Variants in CEP63 observed in about 807,000 individuals in gnomAD.
CEP63 encodes centrosomal protein 63, also known as centrosomal protein of 63 kDa.
Under a neutral mutation model 89.1 loss-of-function variants are expected in CEP63, and 84 were observed. The observed-to-expected ratio is 0.94, with a 90% CI of 0.79 to 1.13. The LOEUF is 1.13. CEP63 is among the 50% of genes most tolerant of loss of function. CEP63 has a pLI of 0.00. For synonymous variants in CEP63, 267 were observed against 272.5 expected (o/e 0.98, Z 0.20); for missense variants, 838 against 813.3 (o/e 1.03, Z -0.37).
the CEP63 span, chr3:134,603,683 T>G: frequency 6.2e-7 from 1 of 1,613,900 alleles, no homozygotes; most frequent in Non-Finnish European, 8.5e-7. Flanking sequence ...GTGCTGCAGC[T>G]TCCCTCCCAG....
At chr3:134,558,532 C>T (rs1282091425) in intron 13 of CEP63, among the ~76,000 whole-genome samples, 185 bp downstream of exon 13, 1 of 152,028 alleles carries the variant, frequency 6.6e-6, no homozygotes, top group Non-Finnish European at 1.5e-5. Context: ...AGGTGTATAG[C>T]ATTTTCATTA....
the CEP63 span, among the ~76,000 whole-genome samples, chr3:134,710,361 A>T: frequency 6.6e-6 from 1 of 152,234 alleles, no homozygotes; most frequent in Non-Finnish European, 1.5e-5. Context: ...CAGCAAGTGA[A>T]GGGAGGCTGT....
chr3:134,532,610 T>G, intron 4 of CEP63, 168 bp from the exon 5 acceptor site: 1 of 544,936 alleles, frequency 1.8e-6, no homozygotes, highest in African/African-American at 1.9e-5. Context: ...TAGTAGTGTT[T>G]GTTTTACATA....
In CEP63 at chr3:134,549,151, A is replaced by G. The variant is rs573056208; in HGVS notation, c.1157A>G (p.Asn386Ser). The G allele has an allele frequency of 1.9e-5, 30 of 1,610,730 alleles. No homozygotes were observed. The East Asian group carries it at 6.2e-4, about 34-fold the overall frequency. Residue 386 changes from asparagine to serine, a missense_variant, in exon 10 of 15, where the codon AAT becomes AGT. Coordinates refer to ENST00000675561, the MANE Select transcript of CEP63 (RefSeq NM_001353108.3). ...CTGAAGAGGATGGAAGCACATAACA[A>G]TGAATACAAAGCAGAGATTAAGAAG... ...EELKRMEAHNNEYKAEIKKLK... is the reference protein window; with the variant it reads ...EELKRMEAHNSEYKAEIKKLK...
rs752223738 is a variant in CEP63 at position 134,559,250 on chromosome 3, A to C, written c.1774A>C (p.Met592Leu). ...RGQASDSINP[M>L]SRVLSPLSPQ... is the part of the protein sequence containing the mutation. ...ACAAGCGTCGGATAGTATAAACCCC[A>C]TGTCTAGGGTGCTAAGCCCCCTGAG... is the stretch of plus-strand genomic sequence containing the variant. The change falls in exon 14 of 15, where the codon ATG becomes CTG. Residue 592 changes from methionine (M) to leucine (L), a missense_variant. Coordinates refer to ENST00000675561, the MANE Select transcript of CEP63 (RefSeq NM_001353108.3). The C allele has an allele frequency of 6.2e-7, 1 of 1,614,118 alleles. No homozygotes were observed. Among genetic ancestry groups the C allele is most frequent in the East Asian group, 2.2e-5 (1 of 44,868 alleles).
chr3:134,610,541 C>A, the CEP63 span: 1 of 643,994 alleles, frequency 1.6e-6, no homozygotes, highest in South Asian at 2.0e-5. Context: ...GCCTTGATGG[C>A]TTTTATCTCG....
At chr3:134,610,150 A>G in the CEP63 span, 1 of 1,573,778 alleles carries the variant, frequency 6.4e-7, no homozygotes, top group Non-Finnish European at 8.7e-7. Flanking sequence ...CACATCCTCC[A>G]CTTCCACCTG....
the CEP63 span, among the ~76,000 whole-genome samples, chr3:134,689,196 T>G: frequency 6.6e-6 from 1 of 152,066 alleles, no homozygotes; most frequent in Admixed American, 6.6e-5. Flanking sequence ...TGCTTTCTCT[T>G]CGGCTTATGA....
chr3:134,537,579 T>A (rs1951014208), intron 6 of CEP63, among the ~76,000 whole-genome samples: 1 of 152,196 alleles, frequency 6.6e-6, no homozygotes, highest in South Asian at 2.1e-4. Flanking sequence ...GCTCACTCTA[T>A]GCTTGCATCC....
downstream of CEP63, among the ~76,000 whole-genome samples, chr3:134,578,474 G>A (rs1958270149): frequency 6.6e-6 from 1 of 151,972 alleles, no homozygotes; most frequent in South Asian, 2.1e-4. Context: ...GGACCTACAG[G>A]CATGCACCAC....
chr3:134,706,213 C>T, the CEP63 span, among the ~76,000 whole-genome samples: 2 of 152,196 alleles, frequency 1.3e-5, no homozygotes, highest in South Asian at 2.1e-4. Flanking sequence ...TAGTGGGAGG[C>T]CTTAGGCAAG....
the CEP63 span, among the ~76,000 whole-genome samples, chr3:134,637,330 T>C: frequency 6.6e-6 from 1 of 152,346 alleles, no homozygotes; most frequent in Admixed American, 6.5e-5. Flanking sequence ...GTTCTTTTCC[T>C]TTTCACTTTC....
In CEP63 at chr3:134,507,287, G is replaced by A. The variant is rs1322677475; in HGVS notation, c.222+1G>A. The stretch of plus-strand genomic sequence containing the variant: ...TCAGTTGGATGTGACACATAAGGAG[G>A]TAAAGCAATTTATTTGTTCTTCTTT... On this transcript the variant is annotated splice_donor_variant, in intron 3 of 14. Coordinates refer to ENST00000675561, the MANE Select transcript of CEP63 (RefSeq NM_001353108.3). LOFTEE classifies it high-confidence loss of function. The A allele has an allele frequency of 2.5e-6, 4 of 1,604,770 alleles. No individual in the cohort carries two copies. In the Admixed American group the frequency reaches 5.0e-5, roughly 20 times the overall value.
downstream of CEP63, among the ~76,000 whole-genome samples, chr3:134,590,707 GTAC>G (rs1478422028): frequency 2.6e-5 from 4 of 152,154 alleles, no homozygotes; most frequent in African/African-American, 9.7e-5. Context: ...TACTTTCTTT[GTAC>G]AACTTTTCCT....
At chr3:134,651,078 G>T in the CEP63 span, 2 of 1,504,350 alleles carry the variant, frequency 1.3e-6, no homozygotes, top group Admixed American at 2.1e-5. Flanking sequence ...GGAAGAGGGC[G>T]CTCCCCCGCC....
the CEP63 span, among the ~76,000 whole-genome samples, chr3:134,776,194 G>C: frequency 6.6e-6 from 1 of 152,220 alleles, no homozygotes; most frequent in Non-Finnish European, 1.5e-5. Context: ...TGGCCCCAGA[G>C]AGCCAAATTC....
At position 134,561,754 on chromosome 3, in the gene CEP63, A is replaced by G. The variant is rs1383969906; in HGVS notation, c.*219A>G. The G allele has an allele frequency of 7.3e-7, 1 of 1,365,554 alleles. No homozygotes were observed. The highest frequency in any genetic ancestry group is 9.4e-7 in the Non-Finnish European group (1 of 1,060,920). The allele number at this position is 1,365,554 out of a possible 1,614,324, so 84.6% of individuals were successfully genotyped here. A position where few individuals can be genotyped will look rare whatever the true frequency, so the allele number is the denominator to read the frequency against. ...TTCCAGCAATAAGTTGAAAGAATAA[A>G]CCACTTTGCTAGACTTTTTTCTCAT... On this transcript the variant is annotated 3_prime_UTR_variant, in exon 15 of 15. Coordinates refer to ENST00000675561, the MANE Select transcript of CEP63 (RefSeq NM_001353108.3).
chr3:134,555,948 A>G (rs1300743299), intron 12 of CEP63, among the ~76,000 whole-genome samples: 2 of 151,670 alleles, frequency 1.3e-5, no homozygotes, highest in East Asian at 3.9e-4. Flanking sequence ...GGAACAGAAC[A>G]GAGCCCTCAG....
chr3:134,644,084 C>T, the CEP63 span, among the ~76,000 whole-genome samples: 2 of 152,178 alleles, frequency 1.3e-5, no homozygotes, highest in African/African-American at 4.8e-5. Flanking sequence ...CTCAGCCTCC[C>T]AAAGTGCTGG....
Sources: allele counts gnomAD v4.1 joint callset (sites outside exome capture counted in the v4.1 genomes callset), GRCh38; gene constraint gnomAD v4.1.1; transcripts MANE v1.5; gene names NCBI Gene and HGNC (gene_info 2026-07-23, HGNC 2026-07-21).